Variants in QSER1 observed in about 807,000 individuals in gnomAD.
The protein encoded by QSER1 is glutamine and serine rich 1.
QSER1 carries 49 observed loss-of-function variants against 158.5 expected under a neutral mutation model. That is an observed-to-expected ratio of 0.31 (90% CI 0.25 to 0.39). The LOEUF is 0.39. Among genes scored for constraint, QSER1 ranks in the 10% least tolerant of loss-of-function variants. The probability of loss-of-function intolerance (pLI) is 1.00; values close to 1 mark genes in which losing one functional copy is unlikely to be tolerated. For synonymous variants in QSER1, 650 were observed against 715.5 expected, an observed-to-expected ratio of 0.91 and a Z score of 1.46; for missense variants, 1,754 against 2,010.3, an observed-to-expected ratio of 0.87 and a Z score of 2.44.
intron 6 of QSER1, among the ~76,000 whole-genome samples, chr11:32,955,674 A>G (rs2133584129): frequency 6.6e-6 from 1 of 152,244 alleles, no homozygotes; most frequent in Admixed American, 6.5e-5. Flanking sequence ...TAGCCTATGA[A>G]GAGTTCAGAT....
chr11:32,977,177 A>G lies in QSER1; in HGVS notation c.*703A>G, dbSNP rs1852992680. 1 of 152,592 alleles carries G rather than the reference A, an allele frequency of 6.6e-6. No individual in the cohort carries two copies. The highest frequency in any genetic ancestry group is 1.5e-5 in the Non-Finnish European group (1 of 68,036). 9.5% of individuals were successfully genotyped at this position (152,592 alleles called of 1,614,324 possible). The stretch of plus-strand genomic sequence containing the variant: ...TCGTTTATACTGTTTTTTCCTTTGG[A>G]AAATTTTCAATTGTACATTTTATTT... On this transcript the variant is annotated 3_prime_UTR_variant, in exon 13 of 13. Coordinates refer to ENST00000650167, the MANE Select transcript of QSER1 (RefSeq NM_001076786.3).
Position 32,935,015 on chromosome 11 carries a change from G to T in QSER1, c.3757G>T (p.Gly1253Cys). The T allele has an allele frequency of 1.2e-6, 2 of 1,614,090 alleles. No individual in the cohort carries two copies. Among genetic ancestry groups the T allele is most frequent in the Non-Finnish European group, 1.7e-6 (2 of 1,179,990 alleles). ...TCCTTCCTCAGAAAGCTGCCATGAT[G>T]GTTATCAGCATCAAGAAAAAATGAG... The part of the protein sequence containing the change: ...TPPSSESCHD[G>C]YQHQEKMRQK... The change falls in exon 4 of 13, where the codon GGT (glycine) becomes TGT (cysteine). Residue 1253 changes from glycine to cysteine, a missense_variant. Gly to Cys is a radical substitution (Grantham distance 159). Transcript: ENST00000650167.
chr11:32,920,620 CG>C (rs2133525313), intron 1 of QSER1, among the ~76,000 whole-genome samples: 1 of 152,164 alleles, frequency 6.6e-6, no homozygotes, highest in East Asian at 1.9e-4. Context: ...TCAGATTTAT[CG>C]GGGATTTGTA....
In QSER1 at chr11:32,954,051, G is replaced by A. The variant is rs1160121264; in HGVS notation, c.4372G>A (p.Ala1458Thr). The change falls in exon 5 of 13, where the codon GCA becomes ACA. Residue 1458 changes from alanine to threonine, a missense_variant. By Grantham distance (58) the Ala-to-Thr change is moderately conservative. Around this residue, in one of 2 missense-constraint regions of QSER1, gnomAD observed 1,707 missense variants for 1,919.6 expected, o/e 0.89. Coordinates refer to ENST00000650167, the MANE Select transcript of QSER1 (RefSeq NM_001076786.3). ...ELDGLPSDQFAKGQDTVAIEG... is the reference protein window; with the variant it reads ...ELDGLPSDQFTKGQDTVAIEG... ...TGATGGTCTTCCTTCAGACCAGTTT[G>A]CAAAAGGACAGGACACTGTTGCCAT... 6.2e-7 allele frequency: 1 copy of A among 1,614,164 alleles called. No homozygotes were observed. Among genetic ancestry groups the A allele is most frequent in the South Asian group, 1.1e-5 (1 of 91,082 alleles).
chr11:32,957,136 T>TTC (rs1332981323), intron 7 of QSER1, among the ~76,000 whole-genome samples: 6 of 143,748 alleles, frequency 4.2e-5, no homozygotes, highest in African/African-American at 5.2e-5. Flanking sequence ...TTTTTTTTCT[T>TTC]TTTTTTTTTT....
intron 10 of QSER1, 117 bp from the exon 11 acceptor site, chr11:32,973,280 C>T (rs1339292429): frequency 1.9e-6 from 2 of 1,056,152 alleles, no homozygotes; most frequent in African/African-American, 3.2e-5. Context: ...TGTGTGCACA[C>T]ACACCTCTCT....
Position 32,942,416 on chromosome 11 carries a change from G to A in QSER1, c.4177+6981G>A, listed in dbSNP as rs1384158743. On this transcript the variant is annotated intron_variant, in intron 4 of 12. Coordinates refer to ENST00000650167, the MANE Select transcript of QSER1 (RefSeq NM_001076786.3). ...TCTTGAATTGATTTTTGTATAAGGT[G>A]TAAGGAAGGGATCCAGTTTCAGCTT... 1.6e-3 allele frequency among the ~76,000 whole-genome samples: 229 copies of A among 145,788 alleles called. 2 individuals carry two copies. The highest frequency in any genetic ancestry group is 5.6e-3 in the African/African-American group (221 of 39,300).
intron 1 of QSER1, among the ~76,000 whole-genome samples, chr11:32,913,383 C>T (rs573580798): frequency 1.8e-4 from 28 of 151,734 alleles, no homozygotes; most frequent in Admixed American, 1.1e-3. Flanking sequence ...TTAGTAGAGA[C>T]GAGGTTTCAT....
chr11:32,937,692 C>T (rs1852173472), intron 4 of QSER1, among the ~76,000 whole-genome samples: 1 of 152,176 alleles, frequency 6.6e-6, no homozygotes, highest in Non-Finnish European at 1.5e-5. Flanking sequence ...TTTCAAAACA[C>T]CTCTGTGCTT....
intron 11 of QSER1, 27 bp downstream of exon 11, chr11:32,973,576 C>T (rs1205356357): frequency 1.3e-6 from 2 of 1,560,050 alleles, no homozygotes; most frequent in African/African-American, 1.4e-5. Flanking sequence ...ATTAATGTAA[C>T]TATACCTTTT....
intron 1 of QSER1, among the ~76,000 whole-genome samples, chr11:32,922,479 ATTTT>A (rs57185302): frequency 1.6e-4 from 16 of 97,136 alleles, no homozygotes; most frequent in Admixed American, 3.6e-4. Context: ...AGAATGGCTA[ATTTT>A]TTTTTTTTTT....
At chr11:32,929,494 T>G (rs1276089251) in intron 3 of QSER1, among the ~76,000 whole-genome samples, 2 of 152,216 alleles carry the variant, frequency 1.3e-5, no homozygotes, top group East Asian at 3.8e-4. Flanking sequence ...AGTTTTTTTA[T>G]TTTTATTTTT....
chr11:32,972,725 C>T lies in QSER1; in HGVS notation c.5206-672C>T, dbSNP rs568693800. ...TGCTGGGATTACAGGCATGAGCCAC[C>T]ATTCCTGGCCACCAGTGGCTTTTAA... On this transcript the variant is annotated intron_variant, in intron 10 of 12. Transcript: ENST00000650167. Among the ~76,000 whole-genome samples the T allele has an allele frequency of 3.9e-5, 6 of 152,236 alleles. No homozygotes were observed. In the South Asian group the frequency reaches 1.2e-3, roughly 32 times the overall value.
chr11:32,933,421 T>A lies in QSER1; in HGVS notation c.2163T>A (p.Ala721=), dbSNP rs548294570. Reference sequence around the variant, plus strand: ...GGCTATCTGATGGAGAAATTAATGCTCAAGAATCAACTTATAAGGTGTCAA... The same window carrying A: ...GGCTATCTGATGGAGAAATTAATGCACAAGAATCAACTTATAAGGTGTCAA... The part of the protein sequence containing the change: ...TQRLSDGEIN[A]QESTYKVSKA... The change falls in exon 4 of 13, where the codon GCT becomes GCA. Residue 721 remains alanine (A), a synonymous_variant. Coordinates refer to ENST00000650167, the MANE Select transcript of QSER1 (RefSeq NM_001076786.3). The A allele has an allele frequency of 8.1e-5, 130 of 1,613,874 alleles. 2 individuals carry two copies. The South Asian group carries it at 1.3e-3, about 16-fold the overall frequency.
At chr11:32,916,660 C>T (rs1851834457) in intron 1 of QSER1, among the ~76,000 whole-genome samples, 1 of 151,948 alleles carries the variant, frequency 6.6e-6, no homozygotes, top group Non-Finnish European at 1.5e-5. Context: ...AGTTGTAACA[C>T]AATGGTAAGT....
chr11:32,928,209 A>C, intron 3 of QSER1, 86 bp downstream of exon 3: 1 of 797,634 alleles, frequency 1.3e-6, no homozygotes, highest in Non-Finnish European at 2.0e-6. Flanking sequence ...TGTGGCTGGG[A>C]GTTTTGTTAC....
At chr11:32,964,267 G>A (rs1488397020) in intron 8 of QSER1, among the ~76,000 whole-genome samples, 2 of 152,108 alleles carry the variant, frequency 1.3e-5, no homozygotes, top group Non-Finnish European at 2.9e-5. Flanking sequence ...GAGCCACCAT[G>A]CCCAGCCCCT....
chr11:32,935,363 C>A lies in QSER1; in HGVS notation c.4105C>A (p.Gln1369Lys). The change falls in exon 4 of 13, where the codon CAA (glutamine) becomes AAA (lysine). Residue 1369 changes from glutamine (Q) to lysine (K), a missense_variant. This residue lies in a region of QSER1 where 1,707 missense variants were observed against 1,919.6 expected (regional missense o/e 0.89). Transcript: ENST00000650167. Reference protein sequence around the residue: ...SSDEDDPGYSQDAYKSVSTPL... With the variant: ...SSDEDDPGYSKDAYKSVSTPL... ...TGATGAAGATGATCCTGGATATAGT[C>A]AAGATGCTTATAAAAGCGTCTCTAC... The A allele has an allele frequency of 6.2e-7, 1 of 1,605,418 alleles. No homozygotes were observed. The highest frequency in any genetic ancestry group is 8.5e-7 in the Non-Finnish European group (1 of 1,177,392).
chr11:32,975,195 T>G, intron 11 of QSER1, 53 bp from the exon 12 acceptor site: 1 of 1,308,130 alleles, frequency 7.6e-7, no homozygotes, highest in Non-Finnish European at 1.0e-6. Flanking sequence ...CTCAAAGTGT[T>G]CTTAGCTCAG....
Sources: gnomAD v4.1 joint callset for allele counts (sites outside exome capture counted in the v4.1 genomes callset) on GRCh38, gnomAD v4.1.1 for gene constraint, gnomAD v4.1.1 regional missense constraint, MANE v1.5 for transcripts, NCBI Gene and HGNC (gene_info 2026-07-23, HGNC 2026-07-21) for gene names.